NCKAP5: variants seen among roughly 807,000 people sequenced by gnomAD.
NCKAP5 encodes the protein NCK associated protein 5, also known as nck-associated protein 5.
In NCKAP5, 92 loss-of-function variants were observed where a neutral mutation model predicts 167.0. The observed-to-expected ratio is 0.55, with a 90% CI of 0.47 to 0.66. The LOEUF is 0.66. NCKAP5 is among the 30% of genes least tolerant of loss of function. NCKAP5 has a pLI of 0.00. For missense variants in NCKAP5, 2,378 were observed against 2,315.0 expected (o/e 1.03, Z -0.56); for synonymous variants, 891 against 877.4 (o/e 1.02, Z -0.27).
At chr2:132,771,404 A>G (rs903010624) in intron 16 of NCKAP5, among the ~76,000 whole-genome samples, 7 of 152,252 alleles carry the variant, frequency 4.6e-5, no homozygotes, top group African/African-American at 1.4e-4. Context: ...TTTTAAGCTA[A>G]GTATTATCAC....
intron 1 of NCKAP5, among the ~76,000 whole-genome samples, chr2:133,561,897 A>C (rs1688184712): frequency 6.6e-6 from 1 of 152,216 alleles, no homozygotes. Context: ...ATGAGGCAAT[A>C]ACTTTAGGAA....
chr2:132,953,501 A>AT (rs1224375550), intron 8 of NCKAP5, among the ~76,000 whole-genome samples: 1 of 152,008 alleles, frequency 6.6e-6, no homozygotes, highest in Non-Finnish European at 1.5e-5. Context: ...TAATTATTAT[A>AT]TTTTTGTCTT....
At chr2:133,275,358 A>AC (rs2089681392) in intron 4 of NCKAP5, among the ~76,000 whole-genome samples, 1 of 151,762 alleles carries the variant, frequency 6.6e-6, no homozygotes, top group Admixed American at 6.6e-5. Context: ...TGACATAGGA[A>AC]CCCCATATCT....
At chr2:133,415,950 A>G (rs1222017058) in intron 3 of NCKAP5, among the ~76,000 whole-genome samples, 4 of 152,232 alleles carry the variant, frequency 2.6e-5, no homozygotes, top group Non-Finnish European at 5.9e-5. Flanking sequence ...TGAGTGGTAG[A>G]TCATAAACAA....
chr2:133,501,085 C>A (rs1047248603), intron 3 of NCKAP5, among the ~76,000 whole-genome samples: 1 of 152,172 alleles, frequency 6.6e-6, no homozygotes, highest in Non-Finnish European at 1.5e-5. Flanking sequence ...CGCTGGGCTC[C>A]GTCCTTTGAT....
At chr2:132,685,761 C>T (rs1173712613) in intron 19 of NCKAP5, among the ~76,000 whole-genome samples, 1 of 152,160 alleles carries the variant, frequency 6.6e-6, no homozygotes, top group Non-Finnish European at 1.5e-5. Flanking sequence ...AGGTAGAGAG[C>T]TGCAGTAGAA....
chr2:133,058,532 A>T (rs1489400054), intron 6 of NCKAP5, among the ~76,000 whole-genome samples: 3 of 152,216 alleles, frequency 2.0e-5, no homozygotes, highest in African/African-American at 7.2e-5. Flanking sequence ...ATAAGTAACT[A>T]CAGATGCGGT....
intron 3 of NCKAP5, among the ~76,000 whole-genome samples, chr2:133,489,656 C>T (rs1410967725): frequency 6.6e-6 from 1 of 152,108 alleles, no homozygotes; most frequent in Non-Finnish European, 1.5e-5. Context: ...TAAAGTAAAC[C>T]CTGAATGACC....
Position 132,912,490 on chromosome 2 carries a change from A to T in NCKAP5, c.580-33574T>A, listed in dbSNP as rs149408843. 4.3e-4 allele frequency among the ~76,000 whole-genome samples: 65 copies of T among 152,320 alleles called. 1 individual carries two copies. The East Asian group carries it at 0.012, about 29-fold the overall frequency. The stretch of plus-strand genomic sequence containing the variant: ...GACATCATAGTTGCTCATTCAATGA[A>T]CATTCTGATATCTTATTTCCTAAAC... On this transcript the variant is annotated intron_variant, in intron 8 of 19. Transcript: ENST00000409261.
intron 19 of NCKAP5, among the ~76,000 whole-genome samples, chr2:132,693,331 C>A (rs1573893882): frequency 6.6e-6 from 1 of 151,778 alleles, no homozygotes; most frequent in East Asian, 1.9e-4. Flanking sequence ...TAAGGTACAC[C>A]CTCAATCCAA....
chr2:133,258,505 G>A (rs2088734603), intron 4 of NCKAP5, among the ~76,000 whole-genome samples: 1 of 152,136 alleles, frequency 6.6e-6, no homozygotes, highest in Non-Finnish European at 1.5e-5. Flanking sequence ...ACTTTGGGAG[G>A]CTGAGATGGG....
chr2:133,215,818 C>G (rs943040372), intron 4 of NCKAP5, among the ~76,000 whole-genome samples: 1 of 151,900 alleles, frequency 6.6e-6, no homozygotes, highest in African/African-American at 2.4e-5. Flanking sequence ...ACATGGATAT[C>G]AAAAAGGAAG....
intron 19 of NCKAP5, among the ~76,000 whole-genome samples, chr2:132,705,560 C>T (rs72844757): frequency 0.074 from 11,239 of 152,088 alleles, 483 homozygotes; most frequent in Middle Eastern, 0.12. Context: ...TCATAATCTA[C>T]GTTTAAAAGT....
chr2:132,770,309 T>G (rs73957677), intron 16 of NCKAP5, among the ~76,000 whole-genome samples: 1,527 of 150,688 alleles, frequency 0.01, 24 homozygotes, highest in African/African-American at 0.035. Context: ...CTTCCTCCAG[T>G]CTTTTAATTC....
intron 3 of NCKAP5, among the ~76,000 whole-genome samples, chr2:133,434,895 C>T (rs1690374985): frequency 6.6e-6 from 1 of 152,118 alleles, no homozygotes. Context: ...TCAGAGTATG[C>T]ACACCTGTAC....
At chr2:133,125,278 G>C (rs1427027029) in intron 6 of NCKAP5, among the ~76,000 whole-genome samples, 2 of 144,918 alleles carry the variant, frequency 1.4e-5, no homozygotes, top group African/African-American at 5.2e-5. Flanking sequence ...ACCCTAACTT[G>C]GAGACAATAT....
At chr2:132,846,988 T>TTA (rs1688709149) in intron 11 of NCKAP5, among the ~76,000 whole-genome samples, 1 of 152,218 alleles carries the variant, frequency 6.6e-6, no homozygotes, top group Admixed American at 6.5e-5. Flanking sequence ...TTCGTGTATT[T>TTA]TATGAATGTG....
intron 5 of NCKAP5, among the ~76,000 whole-genome samples, chr2:133,208,719 T>C (rs961699906): frequency 1.3e-5 from 2 of 152,202 alleles, no homozygotes; most frequent in African/African-American, 2.4e-5. Context: ...AAGTGTACCA[T>C]GCTAATGCAA....
intron 5 of NCKAP5, among the ~76,000 whole-genome samples, chr2:133,194,207 T>A (rs1056977409): frequency 4.6e-5 from 7 of 152,056 alleles, no homozygotes; most frequent in African/African-American, 1.7e-4. Flanking sequence ...TGAAAAGGGT[T>A]TAAAAGTGGT....
Sources: allele counts gnomAD v4.1 joint callset (sites outside exome capture counted in the v4.1 genomes callset), GRCh38; gene constraint gnomAD v4.1.1; transcripts MANE v1.5; gene names NCBI Gene and HGNC (gene_info 2026-07-23, HGNC 2026-07-21).